Variants in EPB41L2 observed in about 807,000 individuals in gnomAD.
EPB41L2 encodes the protein erythrocyte membrane protein band 4.1 like 2.
Under a neutral mutation model 113.0 loss-of-function variants are expected in EPB41L2, and 43 were observed. The observed-to-expected ratio is 0.38, with a 90% CI of 0.30 to 0.49. The LOEUF is 0.49. Ranked by LOEUF, EPB41L2 falls within the 20% of genes least tolerant of loss-of-function variation. The pLI is 0.95. For missense variants in EPB41L2, 1,147 were observed against 1,223.4 expected, an observed-to-expected ratio of 0.94 and a Z score of 0.93; for synonymous variants, 442 against 436.7, an observed-to-expected ratio of 1.01 and a Z score of -0.15.
chr6:130,867,083 G>C (rs536203228), intron 16 of EPB41L2, among the ~76,000 whole-genome samples: 2 of 152,116 alleles, frequency 1.3e-5, no homozygotes, highest in South Asian at 4.1e-4. Context: ...TCCACAATTA[G>C]ATCGGATTAT....
intron 1 of EPB41L2, among the ~76,000 whole-genome samples, chr6:131,059,976 A>G (rs546239887): frequency 6.6e-6 from 1 of 152,348 alleles, no homozygotes; most frequent in South Asian, 2.1e-4. Flanking sequence ...TTAGAAATGC[A>G]AAATGTGACT....
At chr6:130,952,293 C>T (rs911863251) in intron 3 of EPB41L2, among the ~76,000 whole-genome samples, 10 of 141,362 alleles carry the variant, frequency 7.1e-5, no homozygotes, top group Non-Finnish European at 1.6e-4. Flanking sequence ...CTAGCAATTC[C>T]GCCACTAGGT....
At position 130,899,472 on chromosome 6, in the gene EPB41L2, C is replaced by T; in HGVS notation, c.1236+19G>A. 6.2e-7 allele frequency: 1 copy of T among 1,602,556 alleles called. No individual in the cohort carries two copies. The highest frequency in any genetic ancestry group is 8.5e-7 in the Non-Finnish European group (1 of 1,169,686). ...TCAACAGACTACTATGATGCTACTC[C>T]CCGTTACATTTACAGTACCTTGGCA... On this transcript the variant is annotated intron_variant, in intron 8 of 19. Transcript: ENST00000337057.
chr6:130,851,009 C>T (rs181711392), intron 19 of EPB41L2, among the ~76,000 whole-genome samples: 7 of 152,274 alleles, frequency 4.6e-5, no homozygotes, highest in African/African-American at 2.4e-5. Context: ...GAAGTCAGTC[C>T]TCATCTGAGG....
chr6:130,917,699 A>G (rs772748632), intron 4 of EPB41L2, among the ~76,000 whole-genome samples: 6 of 152,206 alleles, frequency 3.9e-5, no homozygotes, highest in Non-Finnish European at 8.8e-5. Context: ...CTATTACAAC[A>G]GTCCTGAATA....
chr6:131,001,044 C>T (rs747324237), intron 1 of EPB41L2, among the ~76,000 whole-genome samples: 3 of 152,012 alleles, frequency 2.0e-5, no homozygotes, highest in African/African-American at 7.3e-5. Flanking sequence ...AATGAGATCC[C>T]GCTCTAGCAA....
At chr6:130,886,721 T>C (rs1791118027) in intron 11 of EPB41L2, among the ~76,000 whole-genome samples, 2 of 151,968 alleles carry the variant, frequency 1.3e-5, no homozygotes, top group South Asian at 2.1e-4. Flanking sequence ...GCAACCTCCA[T>C]TTCCTAGGTT....
chr6:130,995,295 A>G (rs566704147), intron 1 of EPB41L2, among the ~76,000 whole-genome samples: 68 of 152,158 alleles, frequency 4.5e-4, no homozygotes, highest in Admixed American at 6.5e-4. Flanking sequence ...AGATCGCACC[A>G]CAGCACTCCA....
At chr6:130,920,688 T>C (rs1163503036) in intron 4 of EPB41L2, among the ~76,000 whole-genome samples, 5 of 152,068 alleles carry the variant, frequency 3.3e-5, no homozygotes, top group African/African-American at 1.2e-4. Context: ...TTTTAATTTT[T>C]TTCTAGAGAC....
At chr6:130,950,270 T>C (rs879667488) in intron 3 of EPB41L2, among the ~76,000 whole-genome samples, 24 of 152,140 alleles carry the variant, frequency 1.6e-4, no homozygotes, top group East Asian at 1.9e-4. Context: ...GAAGATACAA[T>C]AGAAATGATA....
chr6:130,978,639 C>T (rs757378709), intron 1 of EPB41L2: 2 of 152,180 alleles, frequency 1.3e-5, no homozygotes, highest in Admixed American at 6.5e-5. Context: ...GATTTTAATA[C>T]TGTACTTTTG....
chr6:130,907,800 A>C (rs1333679062), intron 5 of EPB41L2, among the ~76,000 whole-genome samples: 1 of 152,198 alleles, frequency 6.6e-6, no homozygotes, highest in Non-Finnish European at 1.5e-5. Context: ...AAGGGCAAGA[A>C]GGGAAAGGAC....
chr6:131,049,690 G>A (rs527251641), intron 1 of EPB41L2, among the ~76,000 whole-genome samples: 80 of 152,302 alleles, frequency 5.3e-4, no homozygotes, highest in African/African-American at 1.9e-3. Flanking sequence ...GAGGCATTTG[G>A]CATCATTTTC....
intron 1 of EPB41L2, among the ~76,000 whole-genome samples, chr6:131,008,856 C>T (rs772976146): frequency 6.6e-6 from 1 of 152,154 alleles, no homozygotes; most frequent in African/African-American, 2.4e-5. Flanking sequence ...TGGTAAATAC[C>T]CAATGCCTGT....
intron 4 of EPB41L2, among the ~76,000 whole-genome samples, chr6:130,912,587 C>T (rs1159561463): frequency 6.6e-6 from 1 of 152,132 alleles, no homozygotes; most frequent in African/African-American, 2.4e-5. Context: ...GCACTACTGA[C>T]GTGAGGGGCA....
At chr6:131,003,736 C>T (rs1784857080) in intron 1 of EPB41L2, among the ~76,000 whole-genome samples, 1 of 152,178 alleles carries the variant, frequency 6.6e-6, no homozygotes, top group African/African-American at 2.4e-5. Flanking sequence ...GGATTTCATA[C>T]TTATTTTCAC....
chr6:130,928,938 C>T lies in EPB41L2; in HGVS notation c.706-2229G>A, dbSNP rs1014109668. 5.5e-4 allele frequency among the ~76,000 whole-genome samples: 84 copies of T among 152,240 alleles called. 3 individuals carry two copies. On this transcript the variant is annotated intron_variant, in intron 3 of 19. Coordinates refer to ENST00000337057, the MANE Select transcript of EPB41L2 (RefSeq NM_001431.4). The stretch of plus-strand genomic sequence containing the variant: ...CTCAACCAACCATAGCAGTACTCTA[C>T]TGTCAACTATTCCTTCACTAGTCCA...
At chr6:130,902,103 C>T (rs1207760739) in intron 6 of EPB41L2, among the ~76,000 whole-genome samples, 1 of 152,182 alleles carries the variant, frequency 6.6e-6, no homozygotes, top group East Asian at 1.9e-4. Flanking sequence ...TTAACTTCAC[C>T]ACTTGCTATG....
intron 4 of EPB41L2, among the ~76,000 whole-genome samples, chr6:130,912,014 C>A (rs1013597020): frequency 6.6e-6 from 1 of 152,218 alleles, no homozygotes; most frequent in Non-Finnish European, 1.5e-5. Context: ...CGCCTCCTGT[C>A]AGATCACCAC....
Sources: gnomAD v4.1 joint callset for allele counts (sites outside exome capture counted in the v4.1 genomes callset) on GRCh38, gnomAD v4.1.1 for gene constraint, MANE v1.5 for transcripts, NCBI Gene and HGNC (gene_info 2026-07-23, HGNC 2026-07-21) for gene names.